Variants in LIMK1 observed in about 807,000 individuals in gnomAD.
LIMK1 encodes LIM motif-containing protein kinase.
LIMK1 carries 21 observed loss-of-function variants against 77.6 expected under a neutral mutation model. That is an observed-to-expected ratio of 0.27 (90% CI 0.19 to 0.39). The LOEUF (loss-of-function observed/expected upper bound fraction) is 0.39. LIMK1 is among the 10% of genes least tolerant of loss of function. LIMK1 has a pLI of 1.00. For synonymous variants in LIMK1, 358 were observed against 370.0 expected, an observed-to-expected ratio of 0.97 and a Z score of 0.37; for missense variants, 696 against 901.6, an observed-to-expected ratio of 0.77 and a Z score of 2.92.
intron 13 of LIMK1, among the ~76,000 whole-genome samples, chr7:74,118,355 G>A (rs1477408666): frequency 1.4e-5 from 2 of 145,326 alleles, no homozygotes; most frequent in African/African-American, 2.6e-5. Flanking sequence ...CCAGCCTGAC[G>A]ACAGAGTGGG....
At chr7:74,111,791 G>C in intron 11 of LIMK1, 84 bp downstream of exon 11, 5 of 1,472,782 alleles carry the variant, frequency 3.4e-6, no homozygotes, top group Non-Finnish European at 4.7e-6. Flanking sequence ...TTGAAAGAGG[G>C]CAGAGGGGGT....
In LIMK1 at chr7:74,109,131, A is replaced by G. The variant is rs116888287; in HGVS notation, c.1284+95A>G. 172 of 988,824 alleles carry G rather than the reference A, an allele frequency of 1.7e-4. No individual in the cohort carries two copies. The East Asian group carries it at 3.8e-3, about 22-fold the overall frequency. The allele number at this position is 988,824 out of a possible 1,614,324, so 61.3% of individuals were successfully genotyped here. ...CAGTCTCATCTCTTCAATGGGGGGA[A>G]GCCACAGGGGTCTCAAAGGCCCTCT... On this transcript the variant is annotated intron_variant, in intron 10 of 15. Transcript: ENST00000336180.
At chr7:74,094,786 T>A (rs1427973281) in intron 2 of LIMK1, among the ~76,000 whole-genome samples, 2 of 149,762 alleles carry the variant, frequency 1.3e-5, no homozygotes, top group Non-Finnish European at 1.5e-5. Flanking sequence ...GTGCACCGAG[T>A]GGGGCAGTGA....
intron 12 of LIMK1, among the ~76,000 whole-genome samples, chr7:74,114,318 G>C (rs948360216): frequency 1.3e-5 from 2 of 151,972 alleles, no homozygotes; most frequent in Admixed American, 6.6e-5. Flanking sequence ...AAGATGGGCA[G>C]ATTGCTTGAG....
At chr7:74,086,310 G>T (rs1799136880) in intron 2 of LIMK1, among the ~76,000 whole-genome samples, 2 of 152,014 alleles carry the variant, frequency 1.3e-5, no homozygotes, top group Admixed American at 1.3e-4. Flanking sequence ...CTCCCAAAGT[G>T]CTGGGATGAC....
rs183562304 is a variant in LIMK1, at chr7:74,120,286, C to T, written c.1568-297C>T. On this transcript the variant is annotated intron_variant, in intron 13 of 15. Transcript: ENST00000336180. Reference sequence around the variant, plus strand: ...AGATTCCAGAGACCTGACATGGTTCCCTTTTGGGACCAGCACAGAGTTCAT... The same window carrying T: ...AGATTCCAGAGACCTGACATGGTTCTCTTTTGGGACCAGCACAGAGTTCAT... 2.4e-3 allele frequency among the ~76,000 whole-genome samples: 364 copies of T among 152,338 alleles called. 1 individual carries two copies. The highest frequency in any genetic ancestry group is 6.8e-3 in the Middle Eastern group (2 of 294).
chr7:74,085,019 C>G (rs1025617429), intron 1 of LIMK1, among the ~76,000 whole-genome samples: 1 of 152,196 alleles, frequency 6.6e-6, no homozygotes, highest in Non-Finnish European at 1.5e-5. Flanking sequence ...ACTGGGCAAG[C>G]CATGCCATCT....
chr7:74,086,364 G>T (rs1799138182), intron 2 of LIMK1, among the ~76,000 whole-genome samples: 1 of 150,240 alleles, frequency 6.7e-6, no homozygotes, highest in Non-Finnish European at 1.5e-5. Context: ...TTTCTTTTAT[G>T]TATTTTTCTT....
At chr7:74,098,514 C>T (rs1349481450) in intron 4 of LIMK1, among the ~76,000 whole-genome samples, 3 of 152,096 alleles carry the variant, frequency 2.0e-5, no homozygotes, top group Admixed American at 6.5e-5. Context: ...TGGCTGGGCA[C>T]GCACAGTTCC....
In LIMK1 at chr7:74,111,560, T is replaced by C. The variant is rs116345264; in HGVS notation, c.1285-88T>C. 2,278 of 1,120,740 alleles carry C rather than the reference T, an allele frequency of 2.0e-3. 34 individuals are homozygous for C. In the African/African-American group the frequency reaches 0.029, roughly 14 times the overall value. 69.4% of individuals were successfully genotyped at this position (1,120,740 alleles called of 1,614,324 possible). On this transcript the variant is annotated intron_variant, in intron 10 of 15. Coordinates refer to ENST00000336180, the MANE Select transcript of LIMK1 (RefSeq NM_002314.4). ...GGAGCCCAGGGACCCTCTAGGACGCTTGCCTCTTCCTGCCTCTGTCTCATG... is the reference window on the plus strand; with the variant it reads ...GGAGCCCAGGGACCCTCTAGGACGCCTGCCTCTTCCTGCCTCTGTCTCATG...
chr7:74,120,118 C>T (rs1404506778), intron 13 of LIMK1, among the ~76,000 whole-genome samples: 1 of 152,218 alleles, frequency 6.6e-6, no homozygotes, highest in Non-Finnish European at 1.5e-5. Flanking sequence ...TCCTCTTCTG[C>T]TGTGTCTTCT....
chr7:74,090,565 C>T (rs889703536), intron 2 of LIMK1, among the ~76,000 whole-genome samples: 1 of 152,162 alleles, frequency 6.6e-6, no homozygotes, highest in Admixed American at 6.5e-5. Flanking sequence ...GCCAGGCTGG[C>T]TCTCAGTGGG....
Position 74,099,111 on chromosome 7 carries a change from C to G in LIMK1, c.481C>G (p.His161Asp). ...TGACTCCCCTGGCTCCCACCTGCCCCACACCGTCACCCTGGTGTCCATCCC... is the reference window on the plus strand; with the variant it reads ...TGACTCCCCTGGCTCCCACCTGCCCGACACCGTCACCCTGGTGTCCATCCC... Reference protein sequence around the residue: ...LPDSPGSHLPHTVTLVSIPAS... With the variant: ...LPDSPGSHLPDTVTLVSIPAS... Residue 161 changes from histidine to aspartate, a missense_variant, in exon 5 of 16, where the codon CAC (histidine) becomes GAC (aspartate). His to Asp is a moderately conservative substitution (Grantham distance 81, BLOSUM62 -1). Around this residue, in one of 3 missense-constraint regions of LIMK1, gnomAD observed 252 missense variants for 279.4 expected, o/e 0.90. Transcript: ENST00000336180. 6.2e-7 allele frequency: 1 copy of G among 1,613,248 alleles called. No individual in the cohort carries two copies. The highest frequency in any genetic ancestry group is 8.5e-7 in the Non-Finnish European group (1 of 1,179,888).
At chr7:74,091,393 T>C (rs1554694757) in intron 2 of LIMK1, among the ~76,000 whole-genome samples, 1 of 152,092 alleles carries the variant, frequency 6.6e-6, no homozygotes, top group Admixed American at 6.6e-5. Flanking sequence ...GGTGCGTACC[T>C]GTAGTCCCAG....
chr7:74,116,644 T>C (rs1799817793), intron 13 of LIMK1, among the ~76,000 whole-genome samples: 1 of 151,592 alleles, frequency 6.6e-6, no homozygotes, highest in Admixed American at 6.6e-5. Flanking sequence ...CAAAGCATCT[T>C]CTCTTCTCTG....
intron 10 of LIMK1, chr7:74,109,615 G>A (rs1554698323): frequency 6.5e-6 from 1 of 153,886 alleles, no homozygotes; most frequent in African/African-American, 2.4e-5. Flanking sequence ...CAGCACTTTG[G>A]GAGACTGAGG....
At chr7:74,107,985 C>CTGGAGGG in intron 9 of LIMK1, 28 bp downstream of exon 9, 2 of 1,498,616 alleles carry the variant, frequency 1.3e-6, no homozygotes, top group Non-Finnish European at 9.1e-7. Context: ...CCTCTTCCCT[C>CTGGAGGG]CAGAGGGACT....
At chr7:74,091,864 G>T (rs1554694822) in intron 2 of LIMK1, among the ~76,000 whole-genome samples, 4 of 151,954 alleles carry the variant, frequency 2.6e-5, no homozygotes, top group Non-Finnish European at 1.5e-5. Flanking sequence ...CACAACTGAG[G>T]ACCACAAAGC....
chr7:74,111,533 G>T, intron 10 of LIMK1, 115 bp from the exon 11 acceptor site: 1 of 793,440 alleles, frequency 1.3e-6, no homozygotes. Flanking sequence ...TCGGGGTGTT[G>T]GGGAGCCCAG....
Sources: allele counts gnomAD v4.1 joint callset (sites outside exome capture counted in the v4.1 genomes callset), GRCh38; gene constraint gnomAD v4.1.1; regional missense constraint gnomAD v4.1.1; transcripts MANE v1.5; gene names NCBI Gene and HGNC (gene_info 2026-07-23, HGNC 2026-07-21).